Variants in GFRA1 observed in about 807,000 individuals in gnomAD.
GFRA1 encodes GDNF family receptor alpha-1.
In GFRA1, 16 loss-of-function variants were observed where a neutral mutation model predicts 51.6. The ratio of observed to expected loss-of-function variants is 0.31; its 90% CI spans 0.21 to 0.47. The LOEUF is 0.47. GFRA1 is among the 20% of genes least tolerant of loss of function. GFRA1 has a pLI of 1.00. For synonymous variants in GFRA1, 270 were observed against 241.3 expected, an observed-to-expected ratio of 1.12 and a Z score of -1.10; for missense variants, 530 against 594.3, an observed-to-expected ratio of 0.89 and a Z score of 1.13.
intron 5 of GFRA1, among the ~76,000 whole-genome samples, chr10:116,131,113 A>G (rs116584338): frequency 2.4e-3 from 360 of 152,330 alleles, no homozygotes; most frequent in African/African-American, 8.4e-3. Flanking sequence ...AAATCTTTGA[A>G]CAGACACTTC....
In GFRA1 at chr10:116,264,834, G is replaced by A. The variant is rs894861738; in HGVS notation, c.418+4669C>T. ...TATGCCAGAGTAAATAACAGGAAAC[G>A]AATGGGGGTTCTCAAATATAGGAAC... On this transcript the variant is annotated intron_variant, in intron 4 of 10. Transcript: ENST00000355422. Among the ~76,000 whole-genome samples, 9 of 152,120 alleles carry A rather than the reference G, an allele frequency of 5.9e-5. No individual in the cohort carries two copies. In the East Asian group the frequency reaches 1.4e-3, roughly 23 times the overall value.
intron 4 of GFRA1, among the ~76,000 whole-genome samples, chr10:116,258,122 G>C (rs933966431): frequency 6.6e-6 from 1 of 152,036 alleles, no homozygotes; most frequent in Admixed American, 6.6e-5. Flanking sequence ...AATTTATCTT[G>C]TTTATATCTA....
chr10:116,067,818 G>A (rs997627851), intron 9 of GFRA1, among the ~76,000 whole-genome samples: 1 of 152,208 alleles, frequency 6.6e-6, no homozygotes, highest in Non-Finnish European at 1.5e-5. Context: ...ACACACACAG[G>A]TGTAAACTCC....
intron 4 of GFRA1, among the ~76,000 whole-genome samples, chr10:116,236,364 T>C (rs1966878048): frequency 6.6e-6 from 1 of 152,006 alleles, no homozygotes; most frequent in South Asian, 2.1e-4. Flanking sequence ...GTGGAAAATT[T>C]CCCCTCTATG....
chr10:116,206,622 CTTTTTT>C (rs5788142), intron 5 of GFRA1, among the ~76,000 whole-genome samples: 4 of 84,492 alleles, frequency 4.7e-5, no homozygotes, highest in Non-Finnish European at 6.7e-5. Flanking sequence ...ACCACATTCT[CTTTTTT>C]TTTTTTTTTT....
chr10:116,164,392 T>A (rs182296620), intron 5 of GFRA1, among the ~76,000 whole-genome samples: 402 of 152,242 alleles, frequency 2.6e-3, no homozygotes, highest in Non-Finnish European at 4.8e-3. Flanking sequence ...CAGTAGTTAC[T>A]ATGTAACCAA....
At chr10:116,103,007 GA>G (rs780937083) in intron 6 of GFRA1, among the ~76,000 whole-genome samples, 45 of 152,172 alleles carry the variant, frequency 3.0e-4, no homozygotes, top group Middle Eastern at 3.2e-3. Context: ...TCAGTTAGAG[GA>G]AAGAAAGTAT....
intron 6 of GFRA1, among the ~76,000 whole-genome samples, chr10:116,120,781 A>G (rs1379554164): frequency 6.6e-6 from 1 of 152,204 alleles, no homozygotes; most frequent in Non-Finnish European, 1.5e-5. Context: ...AGTATAAACT[A>G]GGTGTTGTCA....
chr10:116,104,125 T>C (rs1012908291), intron 6 of GFRA1, among the ~76,000 whole-genome samples: 8 of 152,170 alleles, frequency 5.3e-5, no homozygotes, highest in African/African-American at 1.9e-4. Context: ...TTAACACAGG[T>C]TCCCACTGGT....
intron 5 of GFRA1, among the ~76,000 whole-genome samples, chr10:116,206,622 CTTTTTTTTT>C (rs5788142): frequency 8.3e-5 from 7 of 84,504 alleles, no homozygotes; most frequent in South Asian, 4.8e-4. Flanking sequence ...ACCACATTCT[CTTTTTTTTT>C]TTTTTTTTTT....
intron 9 of GFRA1, among the ~76,000 whole-genome samples, chr10:116,076,398 A>G (rs1326133883): frequency 2.0e-5 from 3 of 152,184 alleles, no homozygotes; most frequent in Admixed American, 6.5e-5. Flanking sequence ...CCAAGCTGAC[A>G]AAGATGGGTC....
chr10:116,263,279 C>T (rs1969423705), intron 4 of GFRA1, among the ~76,000 whole-genome samples: 1 of 152,184 alleles, frequency 6.6e-6, no homozygotes, highest in Non-Finnish European at 1.5e-5. Flanking sequence ...CAGGAGCAAG[C>T]CAACATCGCC....
At chr10:116,123,775 T>A (rs1957741522) in intron 6 of GFRA1, among the ~76,000 whole-genome samples, 1 of 152,188 alleles carries the variant, frequency 6.6e-6, no homozygotes, top group Non-Finnish European at 1.5e-5. Flanking sequence ...AATTCAACAC[T>A]AAGTTCTGGG....
chr10:116,163,987 C>G (rs1262058362), intron 5 of GFRA1, among the ~76,000 whole-genome samples: 3 of 152,144 alleles, frequency 2.0e-5, no homozygotes, highest in Non-Finnish European at 4.4e-5. Flanking sequence ...CCATCGAACC[C>G]CTTGGTGCTT....
intron 9 of GFRA1, among the ~76,000 whole-genome samples, chr10:116,068,833 G>A (rs979679880): frequency 2.8e-5 from 4 of 144,708 alleles, no homozygotes; most frequent in Non-Finnish European, 6.0e-5. Flanking sequence ...GGCGTCTCCC[G>A]CTTTCAGCTA....
chr10:116,172,753 G>A (rs1389814603), intron 5 of GFRA1, among the ~76,000 whole-genome samples: 2 of 152,218 alleles, frequency 1.3e-5, no homozygotes, highest in African/African-American at 4.8e-5. Context: ...AGGCCGAGGT[G>A]TGGGGGCCTT....
intron 5 of GFRA1, among the ~76,000 whole-genome samples, chr10:116,142,022 TATTGCTGTTGCTAGATGACCAAACAAAAG>T (rs1263895868): frequency 6.6e-6 from 1 of 152,204 alleles, no homozygotes; most frequent in Non-Finnish European, 1.5e-5. Context: ...AAGGAAAGCT[TATTGCTGTTGCTAGATGACCAAACAAAAG>T]ATTACTTACC....
At position 116,057,659 on chromosome 10, in the gene GFRA1, C is replaced by T. The variant is rs1429849020; in HGVS notation, c.*6739G>A. 6.6e-6 allele frequency: 1 copy of T among 151,926 alleles called. No homozygotes were observed. The highest frequency in any genetic ancestry group is 1.5e-5 in the Non-Finnish European group (1 of 68,006). 9.4% of individuals were successfully genotyped at this position (151,926 alleles called of 1,614,324 possible). A position where few individuals can be genotyped will look rare whatever the true frequency, so the allele number is the denominator to read the frequency against. ...GCAGTGAAAAGTGTTTCCCCCACTC[C>T]CTTGGGCGAGGGAAGGGAGAAGAAG... On this transcript the variant is annotated 3_prime_UTR_variant, in exon 11 of 11. Coordinates refer to ENST00000355422, the MANE Select transcript of GFRA1 (RefSeq NM_005264.8).
intron 4 of GFRA1, among the ~76,000 whole-genome samples, chr10:116,222,927 C>T (rs577239060): frequency 6.0e-4 from 91 of 152,132 alleles, no homozygotes; most frequent in Non-Finnish European, 6.5e-4. Context: ...AGTATAACAA[C>T]ATTTACATAG....
Sources: allele counts gnomAD v4.1 joint callset (sites outside exome capture counted in the v4.1 genomes callset), GRCh38; gene constraint gnomAD v4.1.1; transcripts MANE v1.5; gene names NCBI Gene and HGNC (gene_info 2026-07-23, HGNC 2026-07-21).